Variants in AFF4 observed in about 807,000 individuals in gnomAD.
The protein encoded by AFF4 is ALF transcription elongation factor 4, also known as AF4/FMR2 family member 4.
A neutral mutation model predicts 124.8 loss-of-function variants in AFF4; 13 were observed. The observed-to-expected ratio is 0.10, with a 90% CI of 0.07 to 0.17. The LOEUF (loss-of-function observed/expected upper bound fraction) is 0.17, where lower values mean the gene tolerates loss of function less well. AFF4 is among the 10% of genes least tolerant of loss of function. The pLI is 1.00. For synonymous variants in AFF4, 477 were observed against 496.1 expected (o/e 0.96, Z 0.51); for missense variants, 1,092 against 1,403.8 (o/e 0.78, Z 3.55).
At chr5:132,955,791 A>AT (rs1022592362) in intron 1 of AFF4, among the ~76,000 whole-genome samples, 6 of 139,964 alleles carry the variant, frequency 4.3e-5, no homozygotes, top group Admixed American at 1.4e-4. Flanking sequence ...AAAAAAAAAA[A>AT]AAAAATATAT....
intron 17 of AFF4, among the ~76,000 whole-genome samples, chr5:132,886,768 AC>A (rs1432579928): frequency 6.6e-6 from 1 of 152,364 alleles, no homozygotes; most frequent in South Asian, 2.1e-4. Flanking sequence ...TGCAAATATT[AC>A]AAACCACAAC....
chr5:132,908,621 T>C (rs1183539753), intron 5 of AFF4, among the ~76,000 whole-genome samples: 1 of 151,614 alleles, frequency 6.6e-6, no homozygotes, highest in Non-Finnish European at 1.5e-5. Context: ...AGTATTCATA[T>C]TAGAACTGTG....
intron 5 of AFF4, among the ~76,000 whole-genome samples, chr5:132,923,614 T>C (rs1201707098): frequency 6.6e-6 from 1 of 151,996 alleles, no homozygotes; most frequent in Non-Finnish European, 1.5e-5. Flanking sequence ...TGCGTGGTAG[T>C]CAAGAGGCTG....
At position 132,934,758 on chromosome 5, in the gene AFF4, G is replaced by A. The variant is rs767698481; in HGVS notation, c.307C>T (p.His103Tyr). Residue 103 changes from histidine to tyrosine, a missense_variant, in exon 3 of 21, where the codon CAT becomes TAT. Around this residue, in one of 11 missense-constraint regions of AFF4, gnomAD observed 188 missense variants for 203.0 expected, o/e 0.93. Transcript: ENST00000265343. ...NFFEQRHGGS[H>Y]QSSKWTPVGP... ...ACTGGAGTCCATTTGCTACTCTGAT[G>A]AGAGCCTCCATGTCTCTGTTCAAAG... The A allele has an allele frequency of 3.7e-6, 6 of 1,614,092 alleles. No individual in the cohort carries two copies. Among genetic ancestry groups the A allele is most frequent in the Admixed American group, 1.7e-5 (1 of 60,008 alleles).
At chr5:132,939,170 T>C (rs1761506976) in intron 1 of AFF4, among the ~76,000 whole-genome samples, 1 of 150,406 alleles carries the variant, frequency 6.6e-6, no homozygotes, top group African/African-American at 2.5e-5. Flanking sequence ...TGAGCCATGA[T>C]TGTGCCACTG....
At position 132,888,701 on chromosome 5, in the gene AFF4, A is replaced by AT. The variant is rs923070134; in HGVS notation, c.2732+377dup. ...TATATATCCTTCTGATCAATGATAG[A>AT]TTTTTTTTTTTTTTGAGACGGAGTC... On this transcript the variant is annotated intron_variant, in intron 14 of 20. Transcript: ENST00000265343. Among the ~76,000 whole-genome samples, 387 of 146,346 alleles carry AT rather than the reference A, an allele frequency of 2.6e-3. 3 individuals are homozygous for AT. The highest frequency in any genetic ancestry group is 0.013 in the South Asian group (61 of 4,634).
At chr5:132,896,195 G>GC in intron 11 of AFF4, 128 bp downstream of exon 11, 2 of 1,098,494 alleles carry the variant, frequency 1.8e-6, no homozygotes, top group Non-Finnish European at 2.6e-6. Flanking sequence ...CCTCGCCTGG[G>GC]CCTTGGGTTT....
chr5:132,884,965 G>A (rs1760077035), intron 19 of AFF4, 111 bp downstream of exon 19: 1 of 643,842 alleles, frequency 1.6e-6, no homozygotes, highest in Non-Finnish European at 2.6e-6. Context: ...TTTTATCAGA[G>A]ATGGTTTTAC....
At chr5:132,920,773 G>A (rs1398987872) in intron 5 of AFF4, among the ~76,000 whole-genome samples, 1 of 152,172 alleles carries the variant, frequency 6.6e-6, no homozygotes, top group African/African-American at 2.4e-5. Context: ...TGAAAAGGTA[G>A]TCCACAGAGC....
At position 132,891,529 on chromosome 5, in the gene AFF4, A is replaced by G. The variant is rs149230046; in HGVS notation, c.2637+635T>C. Reference sequence around the variant, plus strand: ...CAAATCTCCAACTATAAACATGAAGAATACTCCCCTGCATTGTGAGTATCC... The same window carrying G: ...CAAATCTCCAACTATAAACATGAAGGATACTCCCCTGCATTGTGAGTATCC... On this transcript the variant is annotated intron_variant, in intron 13 of 20. Transcript: ENST00000265343. Among the ~76,000 whole-genome samples, 19 of 152,302 alleles carry G rather than the reference A, an allele frequency of 1.2e-4. No individual in the cohort carries two copies. The East Asian group carries it at 2.1e-3, about 17-fold the overall frequency.
intron 12 of AFF4, 34 bp downstream of exon 12, chr5:132,892,996 C>T (rs1760301453): frequency 6.3e-7 from 1 of 1,590,980 alleles, no homozygotes; most frequent in African/African-American, 1.3e-5. Context: ...CATATATTAA[C>T]AACACTGGCA....
At chr5:132,952,059 TTCTC>T (rs1397328098) in intron 1 of AFF4, among the ~76,000 whole-genome samples, 1 of 152,190 alleles carries the variant, frequency 6.6e-6, no homozygotes, top group Non-Finnish European at 1.5e-5. Context: ...AGTTTCCCCT[TTCTC>T]TGCCATTACA....
intron 17 of AFF4, among the ~76,000 whole-genome samples, chr5:132,886,882 C>T (rs760612899): frequency 1.1e-4 from 16 of 152,216 alleles, no homozygotes; most frequent in Admixed American, 2.0e-4. Flanking sequence ...CCATTCCTTT[C>T]CACCATCCAG....
At chr5:132,885,332 C>T (rs554145896) in intron 18 of AFF4, among the ~76,000 whole-genome samples, 45 of 151,598 alleles carry the variant, frequency 3.0e-4, no homozygotes, top group Non-Finnish European at 5.0e-4. Flanking sequence ...TGGAAGACTT[C>T]ACAGAAGAGG....
At chr5:132,955,423 G>A (rs1438823162) in intron 1 of AFF4, among the ~76,000 whole-genome samples, 2 of 152,148 alleles carry the variant, frequency 1.3e-5, no homozygotes, top group Admixed American at 6.6e-5. Context: ...AATCTGATCT[G>A]ATAGGAAGCA....
chr5:132,893,075 G>A lies in AFF4; in HGVS notation c.2351C>T (p.Thr784Met), dbSNP rs202001213. 4.0e-5 allele frequency: 65 copies of A among 1,614,006 alleles called. 1 individual carries two copies. Among genetic ancestry groups the A allele is most frequent in the Middle Eastern group, 1.6e-4 (1 of 6,062 alleles). The change falls in exon 12 of 21, where the codon ACG (threonine) becomes ATG (methionine). Residue 784 changes from threonine (T) to methionine (M), a missense_variant. Thr to Met is a moderately conservative substitution (Grantham distance 81, BLOSUM62 -1). Around this residue, in one of 11 missense-constraint regions of AFF4, gnomAD observed 293 missense variants for 280.2 expected, o/e 1.05. Coordinates refer to ENST00000265343, the MANE Select transcript of AFF4 (RefSeq NM_014423.4). The part of the protein sequence containing the change: ...NRASESKKPK[T>M]EDKNSAGHKP... The stretch of plus-strand genomic sequence containing the variant: ...ATGGCCTGCTGAATTCTTGTCCTCC[G>A]TTTTGGGTTTCTTGCTCTCACTGGC...
chr5:132,899,007 A>G, intron 9 of AFF4, 97 bp downstream of exon 9: 1 of 1,099,002 alleles, frequency 9.1e-7, no homozygotes, highest in Non-Finnish European at 1.3e-6. Flanking sequence ...CATTATCAAA[A>G]TTAATATTTA....
intron 5 of AFF4, among the ~76,000 whole-genome samples, chr5:132,906,371 C>T (rs1437875631): frequency 6.6e-6 from 1 of 152,078 alleles, no homozygotes; most frequent in Non-Finnish European, 1.5e-5. Flanking sequence ...TGTCCATCAG[C>T]TGATGAATGT....
intron 5 of AFF4, among the ~76,000 whole-genome samples, chr5:132,912,434 C>G (rs2150083119): frequency 6.6e-6 from 1 of 152,212 alleles, no homozygotes; most frequent in African/African-American, 2.4e-5. Context: ...GATGATGGCT[C>G]ACTGCAGCCA....
Sources: allele counts gnomAD v4.1 joint callset (sites outside exome capture counted in the v4.1 genomes callset), GRCh38; gene constraint gnomAD v4.1.1; regional missense constraint gnomAD v4.1.1; transcripts MANE v1.5; gene names NCBI Gene and HGNC (gene_info 2026-07-23, HGNC 2026-07-21).